SLCO1B3: variants seen among roughly 807,000 people sequenced by gnomAD.
SLCO1B3 encodes the protein liver-specific organic anion transporter 2.
Under a neutral mutation model 71.8 loss-of-function variants are expected in SLCO1B3, and 72 were observed. The observed-to-expected ratio is 1.00, with a 90% confidence interval of 0.83 to 1.22. The LOEUF (loss-of-function observed/expected upper bound fraction) is 1.22, where lower values mean the gene tolerates loss of function less well. Ranked by LOEUF, SLCO1B3 falls within the 50% of genes most tolerant of loss-of-function variation. The probability of loss-of-function intolerance (pLI) is 0.00; values close to 1 mark genes in which losing one functional copy is unlikely to be tolerated. For missense variants in SLCO1B3, 911 were observed against 819.7 expected (o/e 1.11, Z -1.36); for synonymous variants, 298 against 278.4 (o/e 1.07, Z -0.70).
chr12:20,869,760 A>C (rs570430967), intron 8 of SLCO1B3, among the ~76,000 whole-genome samples: 2 of 152,346 alleles, frequency 1.3e-5, no homozygotes, highest in East Asian at 3.9e-4. Context: ...TTGTTTTCAC[A>C]TTTAGACTGC....
At position 20,916,148 on chromosome 12, in the gene SLCO1B3, C is replaced by T; in HGVS notation, c.2010C>T (p.Asn670=). The change falls in exon 16 of 16, where the codon AAC becomes AAT. Residue 670 remains asparagine (N), a synonymous_variant. Transcript: ENST00000381545. ...AAAGAAAAGTAATGGATGAAGCAAA[C>T]TTAGAATTCTTAAATAATGGTGAAC... ...DNERKVMDEA[N]LEFLNNGEHF... The T allele has an allele frequency of 6.2e-7, 1 of 1,613,150 alleles. No homozygotes were observed. Among genetic ancestry groups the T allele is most frequent in the South Asian group, 1.1e-5 (1 of 91,060 alleles).
At chr12:20,814,846 G>A (rs541907267) in intron 2 of SLCO1B3, among the ~76,000 whole-genome samples, 7 of 151,548 alleles carry the variant, frequency 4.6e-5, no homozygotes, top group South Asian at 2.1e-4. Context: ...ACAGTGAGCC[G>A]AGATCACGCT....
In SLCO1B3 at chr12:20,883,553, T is replaced by G; in HGVS notation, c.1633T>G (p.Ser545Ala). 1 of 1,602,814 alleles carries G rather than the reference T, an allele frequency of 6.2e-7. No homozygotes were observed. The highest frequency in any genetic ancestry group is 1.1e-5 in the South Asian group (1 of 88,780). The change falls in exon 13 of 16, where the codon TCT becomes GCT. Residue 545 changes from serine (S) to alanine (A), a missense_variant. Ser to Ala is a moderately conservative substitution (Grantham distance 99, BLOSUM62 1). Coordinates refer to ENST00000381545, the MANE Select transcript of SLCO1B3 (RefSeq NM_019844.4). ...CTATGTTGCAATTCAAGTCATAAAC[T>G]CTTTGTTCTCTGCAACAGGAGGTAC... The part of the protein sequence containing the change: ...FIYVAIQVIN[S>A]LFSATGGTTF...
intron 15 of SLCO1B3, among the ~76,000 whole-genome samples, chr12:20,908,128 A>T (rs1866292606): frequency 6.6e-6 from 1 of 152,236 alleles, no homozygotes; most frequent in African/African-American, 2.4e-5. Context: ...GTGGAATTTT[A>T]AAGTATAATA....
chr12:20,881,991 A>C (rs1865704189), intron 12 of SLCO1B3, among the ~76,000 whole-genome samples: 1 of 152,214 alleles, frequency 6.6e-6, no homozygotes, highest in Admixed American at 6.5e-5. Flanking sequence ...CCTTGAAGAT[A>C]GGCTACAACT....
chr12:20,851,847 A>G (rs574865805), intron 3 of SLCO1B3, among the ~76,000 whole-genome samples: 2 of 152,292 alleles, frequency 1.3e-5, no homozygotes, highest in East Asian at 3.9e-4. Context: ...GTGTAAGACA[A>G]TGGGTCAACT....
rs376673811 is a variant in SLCO1B3 at position 20,815,789 on chromosome 12, G to C, written c.51G>C (p.Glu17Asp). 1 of 1,598,026 alleles carries C rather than the reference G, an allele frequency of 6.3e-7. No individual in the cohort carries two copies. Among genetic ancestry groups the C allele is most frequent in the African/African-American group, 1.3e-5 (1 of 74,604 alleles). Residue 17 changes from glutamate (E) to aspartate (D), a missense_variant, in exon 3 of 16, where the codon GAG (glutamate) becomes GAC (aspartate). Transcript: ENST00000381545. ...LNKTAESASSEKKKTRRCNGF... is the reference protein window; with the variant it reads ...LNKTAESASSDKKKTRRCNGF... ...AAACAGCAGAGTCAGCATCTTCAGAGAAAAAGAAAACAAGACGCTGCAATG... is the reference window on the plus strand; with the variant it reads ...AAACAGCAGAGTCAGCATCTTCAGACAAAAAGAAAACAAGACGCTGCAATG...
chr12:20,883,683 A>G (rs1417668496), intron 13 of SLCO1B3, 81 bp downstream of exon 13: 4 of 915,494 alleles, frequency 4.4e-6, no homozygotes, highest in Non-Finnish European at 6.5e-6. Context: ...CTGTATTTTG[A>G]GCTCAAATTC....
Position 20,861,176 on chromosome 12 carries a change from TGATA to T in SLCO1B3, c.481+42_481+45del, listed in dbSNP as rs1463093060. On this transcript the variant is annotated intron_variant, in intron 6 of 15. Coordinates refer to ENST00000381545, the MANE Select transcript of SLCO1B3 (RefSeq NM_019844.4). ...AGTGACAGTAAAACAAATTCTAGAT[TGATA>T]GATTTAATCACGTCTATAAAGTTTC... The T allele has an allele frequency of 5.3e-6, 8 of 1,500,010 alleles. No individual in the cohort carries two copies. The African/African-American group carries it at 9.9e-5, about 19-fold the overall frequency. 92.9% of individuals were successfully genotyped at this position (1,500,010 alleles called of 1,614,324 possible).
At chr12:20,887,998 A>G (rs1178429217) in intron 13 of SLCO1B3, among the ~76,000 whole-genome samples, 1 of 151,772 alleles carries the variant, frequency 6.6e-6, no homozygotes, top group Admixed American at 6.6e-5. Context: ...TCCTCACTGT[A>G]TATGTATTTG....
At chr12:20,862,645 T>C in intron 7 of SLCO1B3, 87 bp downstream of exon 7, 1 of 1,459,150 alleles carries the variant, frequency 6.9e-7, no homozygotes, top group Non-Finnish European at 9.3e-7. Context: ...TTCTTTTACC[T>C]ATTAGAAAAA....
At chr12:20,910,508 T>C (rs1371481896) in intron 15 of SLCO1B3, among the ~76,000 whole-genome samples, 1 of 152,308 alleles carries the variant, frequency 6.6e-6, no homozygotes, top group Admixed American at 6.5e-5. Flanking sequence ...GAGATTTTGA[T>C]TGGGCTTGCA....
At chr12:20,846,215 C>T (rs1308604003) in intron 3 of SLCO1B3, among the ~76,000 whole-genome samples, 1 of 152,024 alleles carries the variant, frequency 6.6e-6, no homozygotes, top group Non-Finnish European at 1.5e-5. Context: ...ATAGTTCTTT[C>T]AAAATTCTGG....
chr12:20,856,844 C>T (rs1309518674), intron 4 of SLCO1B3, among the ~76,000 whole-genome samples: 3 of 152,122 alleles, frequency 2.0e-5, no homozygotes, highest in Admixed American at 2.0e-4. Context: ...ACAGACGTGA[C>T]CCTCCACATC....
In SLCO1B3 at chr12:20,855,300, T is replaced by A. The variant is rs931076534; in HGVS notation, c.226+131T>A. 1.6e-5 allele frequency: 12 copies of A among 769,186 alleles called. No individual in the cohort carries two copies. In the South Asian group the frequency reaches 2.2e-4, roughly 14 times the overall value. 47.6% of individuals were successfully genotyped at this position (769,186 alleles called of 1,614,324 possible). Reference sequence around the variant, plus strand: ...TCTCATGGGCAATTTGGCAATATGTTAGGATATTTTTGTTGCTATAAATGG... The same window carrying A: ...TCTCATGGGCAATTTGGCAATATGTAAGGATATTTTTGTTGCTATAAATGG... On this transcript the variant is annotated intron_variant, in intron 4 of 15. Transcript: ENST00000381545.
intron 13 of SLCO1B3, among the ~76,000 whole-genome samples, chr12:20,895,048 T>C (rs117484514): frequency 0.033 from 5,005 of 152,228 alleles, 124 homozygotes; most frequent in Middle Eastern, 0.12. Flanking sequence ...ATGAGACTTA[T>C]TCACTATCAT....
intron 5 of SLCO1B3, among the ~76,000 whole-genome samples, chr12:20,859,319 G>A (rs6487160): frequency 0.72 from 110,126 of 151,986 alleles, 42,477 homozygotes; most frequent in South Asian, 0.9. Context: ...TTGGAAAAAT[G>A]TACTTTATTC....
At chr12:20,890,862 A>T (rs896335574) in intron 13 of SLCO1B3, among the ~76,000 whole-genome samples, 1 of 152,102 alleles carries the variant, frequency 6.6e-6, no homozygotes, top group Non-Finnish European at 1.5e-5. Context: ...TTTTCATAGA[A>T]TGTCTTTTTG....
intron 3 of SLCO1B3, among the ~76,000 whole-genome samples, chr12:20,854,721 A>T (rs141078414): frequency 6.6e-6 from 1 of 152,280 alleles, no homozygotes; most frequent in Non-Finnish European, 1.5e-5. Context: ...GCTCACCATC[A>T]TGGCCATCTG....
Sources: gnomAD v4.1 joint callset for allele counts (sites outside exome capture counted in the v4.1 genomes callset) on GRCh38, gnomAD v4.1.1 for gene constraint, MANE v1.5 for transcripts, NCBI Gene and HGNC (gene_info 2026-07-23, HGNC 2026-07-21) for gene names.